POLK: variants seen among roughly 807,000 people sequenced by gnomAD.
The protein encoded by POLK is DNA polymerase kappa.
POLK carries 76 observed loss-of-function variants against 94.0 expected under a neutral mutation model. The ratio of observed to expected loss-of-function variants is 0.81; its 90% CI spans 0.67 to 0.98. POLK has a LOEUF of 0.98. Among genes scored for constraint, POLK ranks in the 50% least tolerant of loss-of-function variants. The pLI is 0.00. For missense variants in POLK, 954 were observed against 1,010.1 expected (o/e 0.94, Z 0.75); for synonymous variants, 349 against 325.4 (o/e 1.07, Z -0.78).
chr5:75,513,764 A>C (rs1360735766), intron 1 of POLK, among the ~76,000 whole-genome samples: 1 of 152,216 alleles, frequency 6.6e-6, no homozygotes, highest in Admixed American at 6.5e-5. Context: ...TAAAAAGCAC[A>C]CAGTACGGTA....
chr5:75,556,158 T>C (rs899634981), intron 3 of POLK, among the ~76,000 whole-genome samples: 17 of 152,258 alleles, frequency 1.1e-4, no homozygotes, highest in African/African-American at 4.1e-4. Flanking sequence ...TGTTGCTAAA[T>C]ATCATTGCCC....
intron 1 of POLK, among the ~76,000 whole-genome samples, chr5:75,518,605 A>G (rs1768426482): frequency 6.6e-6 from 1 of 151,684 alleles, no homozygotes; most frequent in Non-Finnish European, 1.5e-5. Flanking sequence ...TTTAGTCTCA[A>G]TTTTATTTAC....
intron 12 of POLK, among the ~76,000 whole-genome samples, chr5:75,594,452 C>T (rs552702646): frequency 2.7e-4 from 41 of 152,242 alleles, no homozygotes; most frequent in African/African-American, 9.9e-4. Flanking sequence ...AGTTTAATTC[C>T]AGTAAGGGTC....
At chr5:75,568,017 TA>T (rs1187594452) in intron 3 of POLK, among the ~76,000 whole-genome samples, 3 of 151,852 alleles carry the variant, frequency 2.0e-5, no homozygotes, top group Admixed American at 6.6e-5. Context: ...AGGAAGGACA[TA>T]AAAAAAATTC....
Position 75,598,030 on chromosome 5 carries a change from T to C in POLK, c.*12T>C, listed in dbSNP as rs762289895. 8.0e-6 allele frequency: 8 copies of C among 1,005,508 alleles called. No homozygotes were observed. The African/African-American group carries it at 1.4e-4, about 17-fold the overall frequency. The allele number at this position is 1,005,508 out of a possible 1,614,324, so 62.3% of individuals were successfully genotyped here. On this transcript the variant is annotated 3_prime_UTR_variant, in exon 15 of 15. Coordinates refer to ENST00000241436, the Ensembl canonical transcript of POLK. ...TATTTTTTAAGTAAACATTGAACAT[T>C]TTATCATTAATTTTTAATTGAAACT... is the stretch of plus-strand genomic sequence containing the variant.
chr5:75,608,069 A>T, the POLK span, among the ~76,000 whole-genome samples: 11,692 of 152,242 alleles, frequency 0.077, 537 homozygotes, highest in South Asian at 0.17. Flanking sequence ...GAAAAACTTA[A>T]AGCTTTCAGG....
At chr5:75,603,149 A>G (rs1773335113), downstream of POLK, among the ~76,000 whole-genome samples, 1 of 152,236 alleles carries the variant, frequency 6.6e-6, no homozygotes, top group Non-Finnish European at 1.5e-5. Context: ...CATCATTAAC[A>G]AATGTATTTG....
intron 13 of POLK, 84 bp downstream of exon 13, chr5:75,597,262 C>G (rs1486847971): frequency 1.6e-5 from 12 of 766,236 alleles, no homozygotes; most frequent in African/African-American, 1.7e-5. Flanking sequence ...AAATCTGAAA[C>G]ATATACTATT....
intron 3 of POLK, among the ~76,000 whole-genome samples, chr5:75,556,960 G>A (rs1770656646): frequency 6.6e-6 from 1 of 152,186 alleles, no homozygotes; most frequent in Non-Finnish European, 1.5e-5. Flanking sequence ...CTATTTGGGA[G>A]GCTGAGGTGG....
intron 3 of POLK, among the ~76,000 whole-genome samples, chr5:75,559,840 T>A (rs1770878730): frequency 4.6e-5 from 7 of 152,130 alleles, no homozygotes; most frequent in Admixed American, 4.6e-4. Context: ...TGGCCAACAA[T>A]TGATTTTATT....
In POLK at chr5:75,533,804, C is replaced by T. The variant is rs140458935; in HGVS notation, c.-13-13206C>T. Reference sequence around the variant, plus strand: ...TAATTCTCATTGTAGAGCTATTTCACCTCCCTTTCAATACCTAGTTAGATA... The same window carrying T: ...TAATTCTCATTGTAGAGCTATTTCATCTCCCTTTCAATACCTAGTTAGATA... On this transcript the variant is annotated intron_variant, in intron 1 of 14. Coordinates refer to ENST00000241436, the Ensembl canonical transcript of POLK. Among the ~76,000 whole-genome samples, 6 of 152,278 alleles carry T rather than the reference C, an allele frequency of 3.9e-5. No individual in the cohort carries two copies. In the East Asian group the frequency reaches 9.6e-4, roughly 24 times the overall value.
chr5:75,579,370 A>AT (rs1178315689), intron 6 of POLK, among the ~76,000 whole-genome samples: 6 of 148,676 alleles, frequency 4.0e-5, no homozygotes, highest in African/African-American at 1.0e-4. Flanking sequence ...TTTTTTTTTT[A>AT]TTTTTTTTTA....
intron 1 of POLK, among the ~76,000 whole-genome samples, chr5:75,530,245 CTTTTTTTTTTTTT>C (rs575507126): frequency 5.2e-5 from 5 of 95,942 alleles, no homozygotes; most frequent in African/African-American, 2.0e-4. Flanking sequence ...ATTTGTATTT[CTTTTTTTTTTTTT>C]TTTTTTTTTG....
rs150691364 is a variant in POLK, at chr5:75,592,065, A to G, written c.1356+1625A>G. 8.5e-5 allele frequency among the ~76,000 whole-genome samples: 13 copies of G among 152,346 alleles called. No homozygotes were observed. The East Asian group carries it at 2.5e-3, about 29-fold the overall frequency. On this transcript the variant is annotated intron_variant, in intron 11 of 14. Transcript: ENST00000241436. ...TTAACTTCCTCCTCCAGGGGATACT[A>G]AAATATACATAACATAAAATTTACA...
intron 2 of POLK, among the ~76,000 whole-genome samples, chr5:75,551,355 T>G (rs1580997300): frequency 6.9e-6 from 1 of 145,072 alleles, no homozygotes; most frequent in East Asian, 2.1e-4. Flanking sequence ...GGTAGGAGGA[T>G]CAGGAGTTTG....
At chr5:75,548,384 A>T (rs577458758) in intron 2 of POLK, among the ~76,000 whole-genome samples, 1 of 151,742 alleles carries the variant, frequency 6.6e-6, no homozygotes, top group South Asian at 2.1e-4. Flanking sequence ...ATGTAGTTGA[A>T]TGTCAACTAC....
chr5:75,526,167 T>A (rs1768831865), intron 1 of POLK, among the ~76,000 whole-genome samples: 1 of 152,138 alleles, frequency 6.6e-6, no homozygotes, highest in Non-Finnish European at 1.5e-5. Flanking sequence ...TGTTTCATTT[T>A]TGTTCAACTG....
chr5:75,511,048 T>G, upstream of POLK: 1 of 1,458,330 alleles, frequency 6.9e-7, no homozygotes, highest in Non-Finnish European at 9.0e-7. Context: ...CCCCACCGCC[T>G]CAGCGGATTG....
chr5:75,562,980 G>A (rs1365335220), intron 3 of POLK, among the ~76,000 whole-genome samples: 1 of 152,140 alleles, frequency 6.6e-6, no homozygotes, highest in Admixed American at 6.6e-5. Context: ...TTTTGTTGTT[G>A]TTGTGTCTCT....
Sources: gnomAD v4.1 joint callset for allele counts (sites outside exome capture counted in the v4.1 genomes callset) on GRCh38, gnomAD v4.1.1 for gene constraint, MANE v1.5 for transcripts, NCBI Gene and HGNC (gene_info 2026-07-23, HGNC 2026-07-21) for gene names.